The following PRPF4 variants were observed in gnomAD, a reference collection of about 807,000 sequenced individuals.
The protein encoded by PRPF4 is pre-mRNA splicing tri-snRNP complex factor PRPF4, also known as U4/U6 small nuclear ribonucleoprotein Prp4.
A neutral mutation model predicts 72.2 loss-of-function variants in PRPF4; 14 were observed. The ratio of observed to expected loss-of-function variants is 0.19; its 90% CI spans 0.13 to 0.30. PRPF4 has a LOEUF of 0.30. Among genes scored for constraint, PRPF4 ranks in the 10% least tolerant of loss-of-function variants. The pLI, the probability that PRPF4 is intolerant of heterozygous loss-of-function variation, is 1.00. For missense variants in PRPF4, 478 were observed against 653.9 expected, an observed-to-expected ratio of 0.73 and a Z score of 2.93; for synonymous variants, 225 against 232.2, an observed-to-expected ratio of 0.97 and a Z score of 0.28.
intron 9 of PRPF4, among the ~76,000 whole-genome samples, chr9:113,287,581 A>G (rs1394767758): frequency 6.6e-6 from 1 of 152,074 alleles, no homozygotes; most frequent in Non-Finnish European, 1.5e-5. Context: ...GAAGGTTTTT[A>G]CTTGAGAATT....
rs1193446952 is a variant in PRPF4 at position 113,292,506 on chromosome 9, G to C, written c.*846G>C. 1 of 152,234 alleles carries C rather than the reference G, an allele frequency of 6.6e-6. No individual in the cohort carries two copies. Among genetic ancestry groups the C allele is most frequent in the Non-Finnish European group, 1.5e-5 (1 of 68,040 alleles). The allele number at this position is 152,234 out of a possible 1,614,324, so 9.4% of individuals were successfully genotyped here. On this transcript the variant is annotated 3_prime_UTR_variant, in exon 14 of 14. Transcript: ENST00000374198. ...CCGCAGCCACGCCGATGGTTATACA[G>C]TGAAGAAGACTTCACCTCTTCCTAT...
At chr9:113,278,402 G>A (rs1003162837) in intron 2 of PRPF4, among the ~76,000 whole-genome samples, 3 of 152,178 alleles carry the variant, frequency 2.0e-5, no homozygotes, top group Admixed American at 6.5e-5. Context: ...TAAACATAAC[G>A]TCACCACTGT....
chr9:113,277,520 A>G (rs940025543), intron 2 of PRPF4, among the ~76,000 whole-genome samples: 9 of 151,646 alleles, frequency 5.9e-5, no homozygotes, highest in Non-Finnish European at 1.2e-4. Flanking sequence ...CGATTAGCTG[A>G]GATTACAGGT....
intron 10 of PRPF4, among the ~76,000 whole-genome samples, chr9:113,288,527 C>T (rs1242143733): frequency 2.0e-5 from 3 of 151,766 alleles, no homozygotes; most frequent in Non-Finnish European, 4.4e-5. Flanking sequence ...ACCGCCGTCT[C>T]CCGGGTTCAA....
In PRPF4 at chr9:113,286,191, A is replaced by G. The variant is rs760592080; in HGVS notation, c.750-41A>G. The G allele has an allele frequency of 8.7e-6, 14 of 1,613,148 alleles. 1 individual carries two copies. The South Asian group carries it at 1.1e-4, about 13-fold the overall frequency. Reference sequence around the variant, plus strand: ...ATTACCAAGGTACCTTTTCCTTCCCAGACCAACCCTGGCTGAGATGCTTTC... The same window carrying G: ...ATTACCAAGGTACCTTTTCCTTCCCGGACCAACCCTGGCTGAGATGCTTTC... On this transcript the variant is annotated intron_variant, in intron 7 of 13. Coordinates refer to ENST00000374198, the MANE Select transcript of PRPF4 (RefSeq NM_001244926.2).
intron 6 of PRPF4, 63 bp downstream of exon 6, chr9:113,283,545 A>G (rs1394803609): frequency 3.6e-5 from 56 of 1,562,510 alleles, no homozygotes; most frequent in Non-Finnish European, 4.9e-5. Context: ...TGATTTTTCT[A>G]CTTTGGCTCA....
chr9:113,283,416 A>C lies in PRPF4; in HGVS notation c.588A>C (p.Arg196=), dbSNP rs200829645. Residue 196 remains arginine, a synonymous_variant, in exon 6 of 14, where the codon CGA becomes CGC. Transcript: ENST00000374198. ...CAATGAAACGCTTGGAAGAGGCCCG[A>C]CTCCATAAGGAGATTCCTGAGACAA... ...PRAMKRLEEA[R]LHKEIPETTR... The C allele has an allele frequency of 1.9e-6, 3 of 1,613,860 alleles. No homozygotes were observed. Among genetic ancestry groups the C allele is most frequent in the Admixed American group, 1.7e-5 (1 of 59,968 alleles).
At chr9:113,285,412 A>C (rs1832409015) in intron 7 of PRPF4, among the ~76,000 whole-genome samples, 3 of 107,512 alleles carry the variant, frequency 2.8e-5, no homozygotes, top group African/African-American at 3.6e-5. Flanking sequence ...GGAGTGTCAC[A>C]CTTTCGGCCA....
At position 113,283,489 on chromosome 9, in the gene PRPF4, T is replaced by G. The variant is rs776852216; in HGVS notation, c.654+7T>G. The G allele has an allele frequency of 1.1e-5, 18 of 1,613,684 alleles. No individual in the cohort carries two copies. The highest frequency in any genetic ancestry group is 1.5e-5 in the Non-Finnish European group (18 of 1,179,738). ...GCTGCACAAGTCTCTCCGGGTAAGATGCTCCCAGCAATTGTCCCACATCTT... is the reference window on the plus strand; with the variant it reads ...GCTGCACAAGTCTCTCCGGGTAAGAGGCTCCCAGCAATTGTCCCACATCTT... On this transcript the variant is annotated splice_region_variant and intron_variant, in intron 6 of 13. Coordinates refer to ENST00000374198, the MANE Select transcript of PRPF4 (RefSeq NM_001244926.2).
chr9:113,286,441 C>G, intron 8 of PRPF4, 151 bp downstream of exon 8: 1 of 901,654 alleles, frequency 1.1e-6, no homozygotes, highest in Non-Finnish European at 1.7e-6. Context: ...ACTGGACTAT[C>G]ACAACTTCCT....
chr9:113,292,170 C>T lies in PRPF4; in HGVS notation c.*510C>T, dbSNP rs115864367. On this transcript the variant is annotated 3_prime_UTR_variant, in exon 14 of 14. Transcript: ENST00000374198. ...CAGAGGTTGCAGTGAGCCGAGATTG[C>T]GCCATTGCACTCTAGCCTGTGTGAC... The T allele has an allele frequency of 0.046, 7,084 of 153,662 alleles. 533 individuals carry two copies. Among genetic ancestry groups the T allele is most frequent in the African/African-American group, 0.16 (6,480 of 41,266 alleles). 9.5% of individuals were successfully genotyped at this position (153,662 alleles called of 1,614,324 possible).
intron 2 of PRPF4, among the ~76,000 whole-genome samples, chr9:113,277,455 G>T (rs190264879): frequency 6.6e-6 from 1 of 151,944 alleles, no homozygotes; most frequent in East Asian, 2.0e-4. Context: ...GCGTAACCTT[G>T]GCTCACTGCA....
intron 2 of PRPF4, 54 bp from the exon 3 acceptor site, chr9:113,278,891 A>G (rs751418392): frequency 7.7e-6 from 12 of 1,559,490 alleles, no homozygotes; most frequent in African/African-American, 1.4e-5. Flanking sequence ...ACTAGAAATT[A>G]TTTCTCTCTA....
intron 7 of PRPF4, among the ~76,000 whole-genome samples, chr9:113,285,614 G>A (rs528700075): frequency 1.3e-5 from 2 of 151,718 alleles, no homozygotes; most frequent in South Asian, 2.1e-4. Flanking sequence ...TCCTGACCTT[G>A]TGATCTGCCC....
intron 7 of PRPF4, among the ~76,000 whole-genome samples, chr9:113,285,417 C>T (rs1212593607): frequency 8.7e-6 from 1 of 114,792 alleles, no homozygotes; most frequent in Non-Finnish European, 1.6e-5. Context: ...GTCACACTTT[C>T]GGCCAGGCTG....
At chr9:113,284,174 A>T in intron 6 of PRPF4, 121 bp from the exon 7 acceptor site, 1 of 674,938 alleles carries the variant, frequency 1.5e-6, no homozygotes. Context: ...ACCATAGAAG[A>T]ATCTTGGGAT....
intron 3 of PRPF4, among the ~76,000 whole-genome samples, chr9:113,279,485 TC>T (rs1330593717): frequency 2.6e-5 from 4 of 152,214 alleles, no homozygotes; most frequent in African/African-American, 9.7e-5. Flanking sequence ...TGCCTCAGCC[TC>T]CCAAGTGGCT....
chr9:113,278,039 C>A, intron 2 of PRPF4, among the ~76,000 whole-genome samples: 1 of 152,066 alleles, frequency 6.6e-6, no homozygotes, highest in East Asian at 1.9e-4. Context: ...AGTAGAAAAT[C>A]CTGTATTTTT....
At chr9:113,279,897 A>T (rs12352925) in intron 3 of PRPF4, among the ~76,000 whole-genome samples, 10,179 of 152,202 alleles carry the variant, frequency 0.067, 449 homozygotes, top group South Asian at 0.16. Flanking sequence ...CCCTCTTGTT[A>T]TTTGCAGGTT....
Sources: allele counts gnomAD v4.1 joint callset (sites outside exome capture counted in the v4.1 genomes callset), GRCh38; gene constraint gnomAD v4.1.1; transcripts MANE v1.5; gene names NCBI Gene and HGNC (gene_info 2026-07-23, HGNC 2026-07-21).